The following RBFOX1 variants were observed in gnomAD, a reference collection of about 807,000 sequenced individuals.
The protein encoded by RBFOX1 is RNA binding protein fox-1 homolog 1.
A neutral mutation model predicts 57.7 loss-of-function variants in RBFOX1; 8 were observed. The observed-to-expected ratio is 0.14, with a 90% confidence interval of 0.08 to 0.25. The LOEUF is 0.25. Among genes scored for constraint, RBFOX1 ranks in the 10% least tolerant of loss-of-function variants. The pLI is 1.00. For synonymous variants in RBFOX1, 326 were observed against 222.4 expected, an observed-to-expected ratio of 1.47 and a Z score of -4.15; for missense variants, 611 against 548.5, an observed-to-expected ratio of 1.11 and a Z score of -1.14.
At chr16:5,592,829 A>G (rs1410920830) in intron 2 of RBFOX1, among the ~76,000 whole-genome samples, 2 of 152,026 alleles carry the variant, frequency 1.3e-5, no homozygotes, top group African/African-American at 4.8e-5. Context: ...TCCCAAGGAG[A>G]TATGTCAGAG....
chr16:5,266,248 C>G (rs1030246500), intron 1 of RBFOX1, among the ~76,000 whole-genome samples: 3 of 152,118 alleles, frequency 2.0e-5, no homozygotes, highest in Non-Finnish European at 4.4e-5. Flanking sequence ...TGGGGGTTCC[C>G]TGTGCATTTT....
At chr16:5,534,852 C>T (rs576702901) in intron 2 of RBFOX1, among the ~76,000 whole-genome samples, 8 of 152,258 alleles carry the variant, frequency 5.3e-5, no homozygotes, top group African/African-American at 1.9e-4. Flanking sequence ...ATCACACATA[C>T]AGTAGGGAAT....
intron 3 of RBFOX1, among the ~76,000 whole-genome samples, chr16:6,899,948 T>G (rs1037705814): frequency 6.6e-6 from 1 of 152,198 alleles, no homozygotes; most frequent in East Asian, 1.9e-4. Flanking sequence ...TTAGTCTTAA[T>G]AGCTGGGTGG....
In RBFOX1 at chr16:5,528,903, G is replaced by C. The variant is rs146398210; in HGVS notation, c.258+61649G>C. Among the ~76,000 whole-genome samples, 1,191 of 152,138 alleles carry C rather than the reference G, an allele frequency of 7.8e-3. 21 individuals are homozygous for C. Among genetic ancestry groups the C allele is most frequent in the African/African-American group, 0.027 (1,111 of 41,478 alleles). The stretch of plus-strand genomic sequence containing the variant: ...GAGCTCAAGTGATCCATCTGCTTCG[G>C]CCTCCCAAAGTGCTGGGATTACAGG... On this transcript the variant is annotated intron_variant, in intron 2 of 2. Coordinates refer to the RBFOX1 transcript ENST00000585867.
At chr16:6,919,563 C>A (rs1055667376) in intron 3 of RBFOX1, among the ~76,000 whole-genome samples, 4 of 152,016 alleles carry the variant, frequency 2.6e-5, no homozygotes, top group Admixed American at 1.3e-4. Context: ...GACATTTCTC[C>A]ACTTCCTATG....
At chr16:6,923,187 G>T (rs763143528) in intron 3 of RBFOX1, among the ~76,000 whole-genome samples, 7 of 152,156 alleles carry the variant, frequency 4.6e-5, no homozygotes, top group Non-Finnish European at 1.0e-4. Context: ...CCTGCTCCTG[G>T]TCTTCAGTTG....
At chr16:7,060,454 CTG>C (rs2053902067) in intron 4 of RBFOX1, among the ~76,000 whole-genome samples, 1 of 152,168 alleles carries the variant, frequency 6.6e-6, no homozygotes. Flanking sequence ...AAACAAAAGC[CTG>C]AAGTTATTTC....
intron 4 of RBFOX1, among the ~76,000 whole-genome samples, chr16:7,368,823 C>G (rs571087823): frequency 6.6e-6 from 1 of 151,666 alleles, no homozygotes; most frequent in East Asian, 1.9e-4. Flanking sequence ...GTATGTCCTT[C>G]TACAGTTTAG....
In RBFOX1 at chr16:6,326,116, C is replaced by T. The variant is rs78829652; in HGVS notation, c.-64+9059C>T. On this transcript the variant is annotated intron_variant, in intron 2 of 15. Transcript: ENST00000550418. ...TGTTTAAGGAGAATAAATTGTCTTG[C>T]AAAACTGCATGGTGGTACATTCTAG... Among the ~76,000 whole-genome samples, 100 of 152,292 alleles carry T rather than the reference C, an allele frequency of 6.6e-4. 1 individual carries two copies. In the East Asian group the frequency reaches 0.018, roughly 27 times the overall value.
chr16:6,358,776 G>A (rs899835002), intron 2 of RBFOX1, among the ~76,000 whole-genome samples: 2 of 152,182 alleles, frequency 1.3e-5, no homozygotes. Context: ...TGATGGATAT[G>A]CTACATTGCT....
chr16:5,705,011 T>C (rs2051190477), intron 3 of RBFOX1, among the ~76,000 whole-genome samples: 1 of 151,562 alleles, frequency 6.6e-6, no homozygotes, highest in South Asian at 2.1e-4. Context: ...ACCAGGAATC[T>C]CTCCCTCCAG....
At chr16:5,568,261 C>G (rs1419797058) in intron 2 of RBFOX1, among the ~76,000 whole-genome samples, 1 of 152,202 alleles carries the variant, frequency 6.6e-6, no homozygotes, top group Non-Finnish European at 1.5e-5. Context: ...GCACGTGGCA[C>G]AGTCCCACCT....
At chr16:5,609,272 C>T (rs1209973309) in intron 3 of RBFOX1, among the ~76,000 whole-genome samples, 1 of 152,188 alleles carries the variant, frequency 6.6e-6, no homozygotes, top group Non-Finnish European at 1.5e-5. Flanking sequence ...TCTCATTTTA[C>T]AGAAAGGAGA....
chr16:5,929,770 T>C (rs872963), intron 4 of RBFOX1, among the ~76,000 whole-genome samples: 4,246 of 152,248 alleles, frequency 0.028, 96 homozygotes, highest in Non-Finnish European at 0.036. Context: ...AGTCACTTGC[T>C]GTGTGCCACA....
chr16:5,829,559 G>T (rs962761265), intron 3 of RBFOX1, among the ~76,000 whole-genome samples: 1 of 152,042 alleles, frequency 6.6e-6, no homozygotes, highest in Non-Finnish European at 1.5e-5. Context: ...GATTCTGGTG[G>T]CCCTCTTCTA....
intron 3 of RBFOX1, among the ~76,000 whole-genome samples, chr16:6,992,376 C>G (rs1335658469): frequency 3.9e-5 from 6 of 152,016 alleles, no homozygotes; most frequent in Non-Finnish European, 7.4e-5. Context: ...CACCACCATG[C>G]CCAGCTAATT....
At chr16:6,145,368 GT>G (rs918249878) in intron 1 of RBFOX1, among the ~76,000 whole-genome samples, 21 of 151,384 alleles carry the variant, frequency 1.4e-4, no homozygotes, top group African/African-American at 2.7e-4. Flanking sequence ...ACACAATCTT[GT>G]TTTTTTTAAT....
In RBFOX1 at chr16:5,919,365, G is replaced by T. The variant is rs375692847; in HGVS notation, c.351+52030G>T. Among the ~76,000 whole-genome samples the T allele has an allele frequency of 5.3e-5, 8 of 152,146 alleles. No homozygotes were observed. The East Asian group carries it at 9.7e-4, about 18-fold the overall frequency. ...TTTTAAATTTTTTTTATTTTGAGAC[G>T]GAGTTTTGTTCTTGTTTCCTAGGCT... is the stretch of plus-strand genomic sequence containing the variant. On this transcript the variant is annotated intron_variant, in intron 4 of 19. Transcript: ENST00000641259.
chr16:6,990,393 C>T (rs1048250123), intron 3 of RBFOX1, among the ~76,000 whole-genome samples: 6 of 151,934 alleles, frequency 3.9e-5, no homozygotes, highest in Non-Finnish European at 7.4e-5. Flanking sequence ...GTAGTGGTGG[C>T]GCATGCCTGT....
Sources: gnomAD v4.1 joint callset for allele counts (sites outside exome capture counted in the v4.1 genomes callset) on GRCh38, gnomAD v4.1.1 for gene constraint, MANE v1.5 for transcripts, NCBI Gene and HGNC (gene_info 2026-07-23, HGNC 2026-07-21) for gene names.